Variants in PIK3CB observed in about 807,000 individuals in gnomAD.
The protein encoded by PIK3CB is phosphatidylinositol-4,5-bisphosphate 3-kinase catalytic subunit beta.
PIK3CB carries 39 observed loss-of-function variants against 136.8 expected under a neutral mutation model. The ratio of observed to expected loss-of-function variants is 0.29; its 90% CI spans 0.22 to 0.37. The LOEUF is 0.37. Among genes scored for constraint, PIK3CB ranks in the 10% least tolerant of loss-of-function variants. PIK3CB has a pLI of 1.00. For synonymous variants in PIK3CB, 428 were observed against 436.6 expected (o/e 0.98, Z 0.25); for missense variants, 868 against 1,275.4 (o/e 0.68, Z 4.87).
intron 2 of PIK3CB, among the ~76,000 whole-genome samples, chr3:138,785,258 A>T (rs1384571843): frequency 6.6e-6 from 1 of 150,684 alleles, no homozygotes; most frequent in Non-Finnish European, 1.5e-5. Context: ...CCCGCCCGGC[A>T]GCCGCCCCCT....
At chr3:138,722,087 C>T (rs496408) in intron 8 of PIK3CB, among the ~76,000 whole-genome samples, 2 of 150,674 alleles carry the variant, frequency 1.3e-5, no homozygotes, top group African/African-American at 4.9e-5. Context: ...CACACAGGAT[C>T]TAATATTATA....
Position 138,822,924 on chromosome 3 carries a change from T to C in PIK3CB, c.-122+11771A>G, listed in dbSNP as rs567693446. On this transcript the variant is annotated intron_variant, in intron 1 of 23. Coordinates refer to ENST00000674063, the MANE Select transcript of PIK3CB (RefSeq NM_006219.3). ...ATGAAATATATATATGAAATATACA[T>C]GAAACATATATACGAAATATATATA... Among the ~76,000 whole-genome samples the C allele has an allele frequency of 1.6e-4, 23 of 145,868 alleles. No homozygotes were observed. The Admixed American group carries it at 1.6e-3, about 10-fold the overall frequency.
intron 8 of PIK3CB, among the ~76,000 whole-genome samples, chr3:138,719,112 A>T (rs572897563): frequency 1.3e-5 from 2 of 152,156 alleles, no homozygotes; most frequent in Admixed American, 6.6e-5. Flanking sequence ...GTTTCTAAAG[A>T]CTATGAACTA....
chr3:138,717,510 A>G (rs1406855462), intron 8 of PIK3CB, among the ~76,000 whole-genome samples: 1 of 148,990 alleles, frequency 6.7e-6, no homozygotes, highest in African/African-American at 2.4e-5. Context: ...GAAACCATGA[A>G]TGAAAATAGA....
At position 138,767,225 on chromosome 3, in the gene PIK3CB, A is replaced by G. The variant is rs76203173; in HGVS notation, c.-16-7866T>C. 8.6e-3 allele frequency among the ~76,000 whole-genome samples: 1,303 copies of G among 152,278 alleles called. 26 individuals are homozygous for G. The highest frequency in any genetic ancestry group is 0.028 in the African/African-American group (1,180 of 41,556). On this transcript the variant is annotated intron_variant, in intron 2 of 23. Transcript: ENST00000674063. Reference sequence around the variant, plus strand: ...AAAAACAAGCTTTTCAAATACATAGATATCTGTAGAAAATTCAAAAATCAT... The same window carrying G: ...AAAAACAAGCTTTTCAAATACATAGGTATCTGTAGAAAATTCAAAAATCAT...
At chr3:138,754,948 C>T (rs1248450613) in intron 4 of PIK3CB, among the ~76,000 whole-genome samples, 4 of 152,096 alleles carry the variant, frequency 2.6e-5, no homozygotes, top group African/African-American at 9.7e-5. Flanking sequence ...CTCTCTAAAG[C>T]AAGATATTGA....
At chr3:138,789,019 T>G (rs2046018813) in intron 2 of PIK3CB, among the ~76,000 whole-genome samples, 1 of 150,744 alleles carries the variant, frequency 6.6e-6, no homozygotes, top group South Asian at 2.1e-4. Flanking sequence ...AGAGTTTTTT[T>G]TTTATAAAAC....
At chr3:138,757,317 T>C (rs1336281597) in intron 3 of PIK3CB, among the ~76,000 whole-genome samples, 1 of 151,820 alleles carries the variant, frequency 6.6e-6, no homozygotes, top group Admixed American at 6.6e-5. Context: ...AGCAGGAGAA[T>C]CACTTGAACC....
At chr3:138,769,350 TC>T (rs2045772478) in intron 2 of PIK3CB, among the ~76,000 whole-genome samples, 1 of 152,222 alleles carries the variant, frequency 6.6e-6, no homozygotes, top group Non-Finnish European at 1.5e-5. Flanking sequence ...GAATGATGTT[TC>T]CTATATTTGG....
intron 1 of PIK3CB, among the ~76,000 whole-genome samples, chr3:138,823,681 G>A (rs928818675): frequency 6.6e-5 from 10 of 152,060 alleles, no homozygotes; most frequent in Non-Finnish European, 8.8e-5. Context: ...CCAGCCTGGC[G>A]ACAGAGCGAG....
At chr3:138,809,349 T>C (rs1433870427) in intron 1 of PIK3CB, among the ~76,000 whole-genome samples, 1 of 150,570 alleles carries the variant, frequency 6.6e-6, no homozygotes, top group African/African-American at 2.4e-5. Context: ...CTCACGCCTG[T>C]AATCCCAGCA....
rs188415390 is a variant in PIK3CB, at chr3:138,667,743, T to C, written c.2505-2540A>G. Among the ~76,000 whole-genome samples the C allele has an allele frequency of 3.2e-3, 479 of 151,394 alleles. 10 individuals are homozygous for C. The highest frequency in any genetic ancestry group is 0.03 in the Admixed American group (450 of 15,210). On this transcript the variant is annotated intron_variant, in intron 19 of 23. Transcript: ENST00000674063. ...TGTCTGGCTAATTTTTTTTTTTGTA[T>C]TTTTAGTAGAGACGGGGTATGCTTT...
intron 1 of PIK3CB, chr3:138,826,406 GC>G: frequency 7.6e-7 from 1 of 1,314,298 alleles, no homozygotes; most frequent in South Asian, 1.3e-5. Context: ...GTTTCAATCA[GC>G]CATTTAGGTT....
chr3:138,738,143 G>A (rs1448027892), intron 5 of PIK3CB, among the ~76,000 whole-genome samples: 1 of 151,870 alleles, frequency 6.6e-6, no homozygotes. Flanking sequence ...TTTAACTAAA[G>A]GTTACCATTA....
At chr3:138,674,785 G>A (rs2043609842) in intron 19 of PIK3CB, among the ~76,000 whole-genome samples, 1 of 152,184 alleles carries the variant, frequency 6.6e-6, no homozygotes, top group East Asian at 1.9e-4. Flanking sequence ...GTTGGGGGCG[G>A]TGGCTCACAC....
intron 21 of PIK3CB, 36 bp downstream of exon 21, chr3:138,663,870 A>G (rs1316879114): frequency 6.2e-7 from 1 of 1,601,242 alleles, no homozygotes; most frequent in South Asian, 1.1e-5. Context: ...AAATAGCATT[A>G]CTAAGGCCCT....
chr3:138,672,077 A>G (rs547518805), intron 19 of PIK3CB, among the ~76,000 whole-genome samples: 1 of 152,218 alleles, frequency 6.6e-6, no homozygotes, highest in African/African-American at 2.4e-5. Context: ...AAGGAGAAAA[A>G]GGAGAAAAAA....
At chr3:138,832,192 G>A (rs965403339) in intron 1 of PIK3CB, among the ~76,000 whole-genome samples, 8 of 152,152 alleles carry the variant, frequency 5.3e-5, no homozygotes, top group Non-Finnish European at 1.2e-4. Context: ...TGAAGCAAAA[G>A]CCTTTATGGA....
rs1465636254 is a variant in PIK3CB at position 138,751,157 on chromosome 3, T to G, written c.397+4597A>C. Reference sequence around the variant, plus strand: ...AAATTTGGGAACCACCATAAAGATCTCTTAAATACAGAAATTTTAGGCCGG... The same window carrying G: ...AAATTTGGGAACCACCATAAAGATCGCTTAAATACAGAAATTTTAGGCCGG... On this transcript the variant is annotated intron_variant, in intron 4 of 23. Coordinates refer to ENST00000674063, the MANE Select transcript of PIK3CB (RefSeq NM_006219.3). Among the ~76,000 whole-genome samples the G allele has an allele frequency of 2.0e-5, 3 of 152,156 alleles. No individual in the cohort carries two copies. In the East Asian group the frequency reaches 5.8e-4, roughly 29 times the overall value.
Sources: allele counts gnomAD v4.1 joint callset (sites outside exome capture counted in the v4.1 genomes callset), GRCh38; gene constraint gnomAD v4.1.1; transcripts MANE v1.5; gene names NCBI Gene and HGNC (gene_info 2026-07-23, HGNC 2026-07-21).